ZFYVE16: variants seen among roughly 807,000 people sequenced by gnomAD.
ZFYVE16 encodes the protein zinc finger FYVE domain-containing protein 16.
A neutral mutation model predicts 138.1 loss-of-function variants in ZFYVE16; 89 were observed. The ratio of observed to expected loss-of-function variants is 0.64; its 90% CI spans 0.54 to 0.77. ZFYVE16 has a LOEUF of 0.77. ZFYVE16 is among the 30% of genes least tolerant of loss of function. The pLI is 0.00. For missense variants in ZFYVE16, 1,793 were observed against 1,786.7 expected, an observed-to-expected ratio of 1.00 and a Z score of -0.06; for synonymous variants, 596 against 618.3, an observed-to-expected ratio of 0.96 and a Z score of 0.53.
At chr5:80,420,185 G>C (rs1438147338) in intron 1 of ZFYVE16, among the ~76,000 whole-genome samples, 1 of 149,650 alleles carries the variant, frequency 6.7e-6, no homozygotes, top group Non-Finnish European at 1.5e-5. Context: ...CAGTTCACTG[G>C]AACTTCTGCC....
chr5:80,436,959 C>G lies in ZFYVE16; in HGVS notation c.274C>G (p.Gln92Glu), dbSNP rs1482037909. The change falls in exon 4 of 19, where the codon CAA becomes GAA. Residue 92 changes from glutamine (Q) to glutamate (E), a missense_variant. Coordinates refer to ENST00000505560, the MANE Select transcript of ZFYVE16 (RefSeq NM_001284236.3). Reference sequence around the variant, plus strand: ...AACACTCAAGGGACTTACTTCTATACAAAATGAAAAAAATGTAACAGGACT... The same window carrying G: ...AACACTCAAGGGACTTACTTCTATAGAAAATGAAAAAAATGTAACAGGACT... ...EKTLKGLTSI[Q>E]NEKNVTGLDL... The G allele has an allele frequency of 6.2e-7, 1 of 1,613,592 alleles. No homozygotes were observed. Among genetic ancestry groups the G allele is most frequent in the Non-Finnish European group, 8.5e-7 (1 of 1,179,920 alleles).
intron 15 of ZFYVE16, among the ~76,000 whole-genome samples, chr5:80,459,821 A>ACTC (rs1191347349): frequency 1.3e-5 from 2 of 151,862 alleles, no homozygotes; most frequent in African/African-American, 4.8e-5. Context: ...GTTATATGGA[A>ACTC]CTCCCTATTT....
intron 5 of ZFYVE16, chr5:80,440,920 C>T (rs1282699638): frequency 1.0e-6 from 1 of 985,264 alleles, no homozygotes; most frequent in Non-Finnish European, 1.2e-6. Flanking sequence ...TTCAGCAATT[C>T]TCCAAAAAGC....
At chr5:80,433,331 G>T (rs192944603) in intron 2 of ZFYVE16, among the ~76,000 whole-genome samples, 3 of 152,136 alleles carry the variant, frequency 2.0e-5, no homozygotes, top group East Asian at 1.9e-4. Context: ...GCCAACTATC[G>T]CAAGGACGAA....
rs1755122332 is a variant in ZFYVE16 at position 80,478,704 on chromosome 5, A to G, written c.*1327A>G. 6.6e-6 allele frequency: 1 copy of G among 152,116 alleles called. No individual in the cohort carries two copies. The highest frequency in any genetic ancestry group is 2.4e-5 in the African/African-American group (1 of 41,448). 9.4% of individuals were successfully genotyped at this position (152,116 alleles called of 1,614,324 possible). ...AGCATCTCAACTTGAAGATCAAGTC[A>G]AAGTTATAACTCAGGATCTGAGGTC... On this transcript the variant is annotated 3_prime_UTR_variant, in exon 19 of 19. Transcript: ENST00000505560.
rs61741923 is a variant in ZFYVE16 at position 80,473,857 on chromosome 5, G to A, written c.4291G>A (p.Glu1431Lys). 21 of 1,609,852 alleles carry A rather than the reference G, an allele frequency of 1.3e-5. No homozygotes were observed. The Admixed American group carries it at 1.3e-4, about 10-fold the overall frequency. The change falls in exon 17 of 19, where the codon GAG (glutamate) becomes AAG (lysine). Residue 1431 changes from glutamate (E) to lysine (K), a missense_variant and splice_region_variant. By Grantham distance (56) the Glu-to-Lys change is moderately conservative. Transcript: ENST00000505560. ...CGATGAGAAGATTGTAAAATGTACC[G>A]AGGTAACTAAGAAAGAAGGTCCCTT... Reference protein sequence around the residue: ...ETDEKIVKCTEVFYFLKDQDL... With the variant: ...ETDEKIVKCTKVFYFLKDQDL...
At chr5:80,458,063 A>AG (rs1357098297) in intron 14 of ZFYVE16, among the ~76,000 whole-genome samples, 1 of 151,232 alleles carries the variant, frequency 6.6e-6, no homozygotes, top group Non-Finnish European at 1.5e-5. Context: ...AGGTGGTAAA[A>AG]GGGAAAAGTG....
chr5:80,434,332 T>G (rs887076067), intron 3 of ZFYVE16, 115 bp downstream of exon 3: 2 of 985,396 alleles, frequency 2.0e-6, no homozygotes, highest in African/African-American at 1.6e-5. Context: ...TCACGTTATC[T>G]TCTGCAAAAA....
chr5:80,421,604 T>C (rs150241217), intron 1 of ZFYVE16, among the ~76,000 whole-genome samples: 18,209 of 152,224 alleles, frequency 0.12, 1,323 homozygotes, highest in Middle Eastern at 0.23. Context: ...CAGATGGTTG[T>C]AGATGTGTGG....
chr5:80,415,114 C>G (rs1400214425), intron 1 of ZFYVE16, among the ~76,000 whole-genome samples: 2 of 152,156 alleles, frequency 1.3e-5, no homozygotes, highest in African/African-American at 4.8e-5. Flanking sequence ...TATTTTCTCT[C>G]CTGTTTTCTA....
At chr5:80,418,327 C>A (rs1476847056) in intron 1 of ZFYVE16, among the ~76,000 whole-genome samples, 7 of 118,174 alleles carry the variant, frequency 5.9e-5, no homozygotes, top group African/African-American at 2.2e-4. Context: ...CCCCTCCTTT[C>A]TTTTCGACAG....
chr5:80,411,804 G>C (rs1054594783), intron 1 of ZFYVE16: 1 of 152,184 alleles, frequency 6.6e-6, no homozygotes, highest in Non-Finnish European at 1.5e-5. Flanking sequence ...GTGAACTCAT[G>C]TTTTCCCTTA....
chr5:80,454,343 C>G (rs1023691649), intron 11 of ZFYVE16: 1 of 152,150 alleles, frequency 6.6e-6, no homozygotes, highest in African/African-American at 2.4e-5. Context: ...TAGAAATAGT[C>G]TTGCCTTCCT....
At chr5:80,472,983 T>C (rs1009450048) in intron 16 of ZFYVE16, 60 bp downstream of exon 16, 5 of 1,377,000 alleles carry the variant, frequency 3.6e-6, no homozygotes, top group South Asian at 1.6e-5. Flanking sequence ...GATTAAAATA[T>C]CCTATTAATA....
At chr5:80,469,835 A>C (rs75042542) in intron 15 of ZFYVE16, among the ~76,000 whole-genome samples, 3,178 of 148,558 alleles carry the variant, frequency 0.021, 120 homozygotes, top group African/African-American at 0.073. Flanking sequence ...TCTTTAGTCT[A>C]CTATTAAGTC....
intron 1 of ZFYVE16, among the ~76,000 whole-genome samples, chr5:80,414,053 GGTAA>G (rs1232194767): frequency 7.9e-5 from 12 of 152,056 alleles, no homozygotes; most frequent in African/African-American, 2.7e-4. Flanking sequence ...AGCTGAACAA[GGTAA>G]GTGTGAGGTT....
chr5:80,445,512 T>G, intron 7 of ZFYVE16, 107 bp downstream of exon 7: 1 of 1,015,212 alleles, frequency 9.9e-7, no homozygotes. Flanking sequence ...CACTTTGAGC[T>G]TCCTAAAATA....
intron 17 of ZFYVE16, among the ~76,000 whole-genome samples, 198 bp downstream of exon 17, chr5:80,474,057 A>G (rs781710036): frequency 2.6e-5 from 4 of 152,214 alleles, no homozygotes; most frequent in Non-Finnish European, 5.9e-5. Context: ...CAGGCTATCA[A>G]ATGGTGGTAC....
intron 18 of ZFYVE16, among the ~76,000 whole-genome samples, chr5:80,475,550 C>A (rs1002540455): frequency 6.6e-6 from 1 of 152,152 alleles, no homozygotes; most frequent in African/African-American, 2.4e-5. Flanking sequence ...TCATTTCTTA[C>A]GTATTCTTTG....
Sources: allele counts gnomAD v4.1 joint callset (sites outside exome capture counted in the v4.1 genomes callset), GRCh38; gene constraint gnomAD v4.1.1; transcripts MANE v1.5; gene names NCBI Gene and HGNC (gene_info 2026-07-23, HGNC 2026-07-21).